KCNN3: variants seen among roughly 807,000 people sequenced by gnomAD.
KCNN3 encodes the protein potassium calcium-activated channel subfamily N member 3, also known as small conductance calcium-activated potassium channel protein 3.
A neutral mutation model predicts 62.9 loss-of-function variants in KCNN3; 16 were observed. That is an observed-to-expected ratio of 0.25 (90% CI 0.17 to 0.39). The LOEUF is 0.39. Among genes scored for constraint, KCNN3 ranks in the 10% least tolerant of loss-of-function variants. The pLI, the probability that KCNN3 is intolerant of heterozygous loss-of-function variation, is 1.00. For synonymous variants in KCNN3, 370 were observed against 389.2 expected (o/e 0.95, Z 0.58); for missense variants, 599 against 949.4 (o/e 0.63, Z 4.85).
rs1699855120 is a variant in KCNN3 at position 154,701,660 on chromosome 1, C to A, written c.*6316G>T. 6.6e-6 allele frequency: 1 copy of A among 152,202 alleles called. No individual in the cohort carries two copies. Among genetic ancestry groups the A allele is most frequent in the Non-Finnish European group, 1.5e-5 (1 of 68,050 alleles). The allele number at this position is 152,202 out of a possible 1,614,324, so 9.4% of individuals were successfully genotyped here. A position where few individuals can be genotyped will look rare whatever the true frequency, so the allele number is the denominator to read the frequency against. ...CTTTGCTGGCTCTGGCTGTTCATGT[C>A]CTGCCGGCTCCTCCCATCACTCCCT... is the stretch of plus-strand genomic sequence containing the variant. On this transcript the variant is annotated 3_prime_UTR_variant, in exon 8 of 8. Transcript: ENST00000271915.
At chr1:154,757,944 T>C (rs1647806631) in intron 3 of KCNN3, among the ~76,000 whole-genome samples, 1 of 152,190 alleles carries the variant, frequency 6.6e-6, no homozygotes, top group African/African-American at 2.4e-5. Flanking sequence ...TTGTGAATTA[T>C]CCCCTTTCCT....
At chr1:154,749,465 G>C (rs1240383862) in intron 3 of KCNN3, among the ~76,000 whole-genome samples, 1 of 152,228 alleles carries the variant, frequency 6.6e-6, no homozygotes, top group Non-Finnish European at 1.5e-5. Flanking sequence ...AGAACAAAGA[G>C]GAACAGCACA....
chr1:154,826,595 C>T (rs1426819469), intron 1 of KCNN3, among the ~76,000 whole-genome samples: 1 of 151,720 alleles, frequency 6.6e-6, no homozygotes, highest in Non-Finnish European at 1.5e-5. Context: ...GCGGCCACGC[C>T]TTGCTGGCCC....
chr1:154,802,035 G>C (rs1024793343), intron 2 of KCNN3, among the ~76,000 whole-genome samples: 3 of 152,102 alleles, frequency 2.0e-5, no homozygotes, highest in African/African-American at 7.2e-5. Flanking sequence ...TGGCAGTAGG[G>C]GTGAGATGAA....
At chr1:154,801,661 C>T (rs561722047) in intron 2 of KCNN3, among the ~76,000 whole-genome samples, 15 of 152,302 alleles carry the variant, frequency 9.8e-5, no homozygotes, top group East Asian at 3.9e-4. Context: ...TTTTTAAGTG[C>T]GCTTGCCTGC....
At position 154,772,947 on chromosome 1, in the gene KCNN3, T is replaced by G. The variant is rs1305871257; in HGVS notation, c.1030-554A>C. Reference sequence around the variant, plus strand: ...AGTTGATCACCAATGGCCAATGATGTCATCAATTATGTCGGTGTAATGAAA... The same window carrying G: ...AGTTGATCACCAATGGCCAATGATGGCATCAATTATGTCGGTGTAATGAAA... On this transcript the variant is annotated intron_variant, in intron 2 of 7. Coordinates refer to ENST00000271915, the MANE Select transcript of KCNN3 (RefSeq NM_002249.6). This position sits in a 1 kb window ranked among gnomAD's most constrained non-coding sequence, Gnocchi z 5.6. Among the ~76,000 whole-genome samples, 1 of 152,088 alleles carries G rather than the reference T, an allele frequency of 6.6e-6. No homozygotes were observed. Among genetic ancestry groups the G allele is most frequent in the Non-Finnish European group, 1.5e-5 (1 of 68,018 alleles).
At chr1:154,796,213 G>T (rs1419110) in intron 2 of KCNN3, among the ~76,000 whole-genome samples, 88,283 of 152,082 alleles carry the variant, frequency 0.58, 27,503 homozygotes, top group East Asian at 0.85. Context: ...CAGCAGTGAC[G>T]GAGAAAGAGC....
chr1:154,831,285 C>T (rs1651369441), intron 1 of KCNN3, among the ~76,000 whole-genome samples: 1 of 152,090 alleles, frequency 6.6e-6, no homozygotes, highest in South Asian at 2.1e-4. Flanking sequence ...CCTTTGGGCT[C>T]CATACAAAGG....
chr1:154,869,523 C>T lies in KCNN3; in HGVS notation c.442G>A (p.Gly148Arg). ...GHSPSSTATS[G>R]PGGGSRHRQA... Reference sequence around the variant, plus strand: ...CGGTGCCGGCTGCCTCCGCCAGGCCCACTTGTAGCTGTGGAACTTGGAGAG... The same window carrying T: ...CGGTGCCGGCTGCCTCCGCCAGGCCTACTTGTAGCTGTGGAACTTGGAGAG... Residue 148 changes from glycine (G) to arginine (R), a missense_variant, in exon 1 of 8, where the codon GGG becomes AGG. By Grantham distance (125) the Gly-to-Arg change is moderately radical. Coordinates refer to ENST00000271915, the MANE Select transcript of KCNN3 (RefSeq NM_002249.6). The surrounding 1 kb of genome is among the most constrained non-coding windows in gnomAD (Gnocchi z 6.1). The T allele has an allele frequency of 6.2e-7, 1 of 1,614,072 alleles. No individual in the cohort carries two copies.
chr1:154,716,074 C>T (rs1700228268), intron 5 of KCNN3, among the ~76,000 whole-genome samples: 1 of 152,234 alleles, frequency 6.6e-6, no homozygotes, highest in Non-Finnish European at 1.5e-5. Context: ...CCAGGGCTGG[C>T]TCCTTCACTG....
At chr1:154,851,751 A>G (rs1652307790) in intron 1 of KCNN3, among the ~76,000 whole-genome samples, 1 of 152,170 alleles carries the variant, frequency 6.6e-6, no homozygotes, top group African/African-American at 2.4e-5. Flanking sequence ...AGCTGTCCCC[A>G]CAGCCTCTCA....
At chr1:154,742,730 G>A (rs372904403) in intron 3 of KCNN3, among the ~76,000 whole-genome samples, 5 of 152,286 alleles carry the variant, frequency 3.3e-5, no homozygotes, top group East Asian at 1.9e-4. Flanking sequence ...TAATGATGCC[G>A]TCCTGCCTGC....
chr1:154,749,681 G>A (rs1405022110), intron 3 of KCNN3, among the ~76,000 whole-genome samples: 5 of 152,188 alleles, frequency 3.3e-5, no homozygotes, highest in Non-Finnish European at 1.5e-5. Flanking sequence ...ATCAGAGAGA[G>A]AGGAAGATAG....
chr1:154,783,923 A>C (rs949237357), intron 2 of KCNN3, among the ~76,000 whole-genome samples: 3 of 152,292 alleles, frequency 2.0e-5, no homozygotes, highest in Middle Eastern at 3.4e-3. Flanking sequence ...GGCCTTGGTC[A>C]TGGGTCCCTC....
At chr1:154,867,843 G>T in intron 1 of KCNN3, 1 of 460,460 alleles carries the variant, frequency 2.2e-6, no homozygotes, top group Non-Finnish European at 2.8e-6. Flanking sequence ...ACAAATTGGG[G>T]GTGGGGGTAT....
chr1:154,708,766 A>G (rs901876564), intron 7 of KCNN3, among the ~76,000 whole-genome samples: 1 of 152,076 alleles, frequency 6.6e-6, no homozygotes, highest in Non-Finnish European at 1.5e-5. Context: ...CGGTTGCCTT[A>G]TAAAATTGGA....
intron 1 of KCNN3, among the ~76,000 whole-genome samples, chr1:154,830,027 A>G (rs1651320608): frequency 6.6e-6 from 1 of 152,198 alleles, no homozygotes; most frequent in Non-Finnish European, 1.5e-5. Context: ...CATGCCTAGA[A>G]CACTGGTCTG....
chr1:154,858,881 G>C lies in KCNN3; in HGVS notation c.933+10151C>G, dbSNP rs140463751. Among the ~76,000 whole-genome samples, 44 of 152,242 alleles carry C rather than the reference G, an allele frequency of 2.9e-4. No individual in the cohort carries two copies. In the East Asian group the frequency reaches 8.5e-3, roughly 29 times the overall value. ...CACCGCATAACTTCTATGGGCCTTGGGGTCCTATAAGGAGGAGGATGGTCC... is the reference window on the plus strand; with the variant it reads ...CACCGCATAACTTCTATGGGCCTTGCGGTCCTATAAGGAGGAGGATGGTCC... On this transcript the variant is annotated intron_variant, in intron 1 of 7. Transcript: ENST00000271915.
chr1:154,726,425 C>G (rs772198781), intron 4 of KCNN3, among the ~76,000 whole-genome samples: 1 of 152,224 alleles, frequency 6.6e-6, no homozygotes, highest in Non-Finnish European at 1.5e-5. Flanking sequence ...AGGCAGGTCT[C>G]CATCCCACTG....
Sources: gnomAD v4.1 joint callset for allele counts (sites outside exome capture counted in the v4.1 genomes callset) on GRCh38, gnomAD v4.1.1 for gene constraint, Gnocchi (gnomAD v3.1) non-coding constraint, MANE v1.5 for transcripts, NCBI Gene and HGNC (gene_info 2026-07-23, HGNC 2026-07-21) for gene names.